Variants in COX6C observed in about 807,000 individuals in gnomAD.
The protein encoded by COX6C is cytochrome c oxidase subunit 6C, also known as cytochrome c oxidase polypeptide VIc.
In COX6C, 3 loss-of-function variants were observed where a neutral mutation model predicts 6.9. The ratio of observed to expected loss-of-function variants is 0.43; its 90% CI spans 0.20 to 1.12. The LOEUF is 1.12. Ranked by LOEUF, COX6C falls within the 50% of genes most tolerant of loss-of-function variation. The pLI, the probability that COX6C is intolerant of heterozygous loss-of-function variation, is 0.27. For synonymous variants in COX6C, 32 were observed against 32.0 expected, an observed-to-expected ratio of 1.00 and a Z score of 0.00; for missense variants, 101 against 97.3, an observed-to-expected ratio of 1.04 and a Z score of -0.16.
intron 1 of COX6C, among the ~76,000 whole-genome samples, chr8:99,892,504 A>G (rs1309363463): frequency 6.6e-6 from 1 of 152,110 alleles, no homozygotes; most frequent in Non-Finnish European, 1.5e-5. Flanking sequence ...AGCTCTCACT[A>G]CTCTGAGCTT....
chr8:99,892,138 G>A, intron 1 of COX6C, 86 bp from the exon 2 acceptor site: 1 of 720,724 alleles, frequency 1.4e-6, no homozygotes, highest in Non-Finnish European at 2.4e-6. Context: ...ATTGATTGGA[G>A]CTGCCCTGAA....
chr8:99,887,416 G>C (rs1017047050), intron 3 of COX6C, 74 bp downstream of exon 3: 1 of 759,284 alleles, frequency 1.3e-6, no homozygotes, highest in East Asian at 3.0e-5. Flanking sequence ...AACATTGTGA[G>C]GGACAGTCAC....
At chr8:99,881,979 G>T (rs1817873109) in intron 3 of COX6C, among the ~76,000 whole-genome samples, 1 of 152,120 alleles carries the variant, frequency 6.6e-6, no homozygotes, top group South Asian at 2.1e-4. Flanking sequence ...AGTCTAAAAT[G>T]TTTCAAGAGA....
rs1465314249 is a variant in COX6C at position 99,878,238 on chromosome 8, C to T, written c.*43G>A. The T allele has an allele frequency of 6.6e-6, 1 of 152,204 alleles. No individual in the cohort carries two copies. Among genetic ancestry groups the T allele is most frequent in the Non-Finnish European group, 1.5e-5 (1 of 68,038 alleles). The allele number at this position is 152,204 out of a possible 1,614,324, so 9.4% of individuals were successfully genotyped here. ...TTCAGGAACACAAGTCAGTGACAAACTTCTAGGTAATTCAACCTGAAGAAA... is the reference window on the plus strand; with the variant it reads ...TTCAGGAACACAAGTCAGTGACAAATTTCTAGGTAATTCAACCTGAAGAAA... On this transcript the variant is annotated 3_prime_UTR_variant, in exon 4 of 4. Transcript: ENST00000520468.
At chr8:99,883,289 A>G (rs1817892070) in intron 3 of COX6C, among the ~76,000 whole-genome samples, 1 of 151,932 alleles carries the variant, frequency 6.6e-6, no homozygotes, top group South Asian at 2.1e-4. Flanking sequence ...ATCATAGCTT[A>G]TGCAGCCTTA....
intron 3 of COX6C, among the ~76,000 whole-genome samples, chr8:99,883,423 GTA>G (rs1266613041): frequency 1.2e-3 from 180 of 146,682 alleles, no homozygotes; most frequent in African/African-American, 4.5e-3. Flanking sequence ...GTGTGTGTGT[GTA>G]TATATGTATG....
At chr8:99,879,648 T>C (rs1003454804) in intron 3 of COX6C, among the ~76,000 whole-genome samples, 6 of 152,214 alleles carry the variant, frequency 3.9e-5, no homozygotes, top group African/African-American at 1.4e-4. Context: ...GCAGGAAATT[T>C]CATGGCATTT....
chr8:99,885,025 A>G (rs150144186), intron 3 of COX6C, among the ~76,000 whole-genome samples: 189 of 152,318 alleles, frequency 1.2e-3, no homozygotes, highest in Middle Eastern at 0.01. Context: ...AGGAACCACA[A>G]ATAGCTAGAG....
intron 3 of COX6C, among the ~76,000 whole-genome samples, chr8:99,883,250 T>C (rs1271088787): frequency 6.6e-6 from 1 of 152,132 alleles, no homozygotes; most frequent in East Asian, 1.9e-4. Flanking sequence ...TCTCATATTC[T>C]GTTATCCAGG....
At position 99,887,602 on chromosome 8, in the gene COX6C, T is replaced by G; in HGVS notation, c.131A>C (p.Gln44Pro). The change falls in exon 3 of 4, where the codon CAA (glutamine) becomes CCA (proline). Residue 44 changes from glutamine to proline, a missense_variant. Coordinates refer to ENST00000520468, the MANE Select transcript of COX6C (RefSeq NM_004374.4). ...AALYKFRVAD[Q>P]RKKAYADFYR... Reference sequence around the variant, plus strand: ...GAAATCTGCGTATGCCTTCTTTCTTTGATCAGCCACACGAAACTAAAAAGC... The same window carrying G: ...GAAATCTGCGTATGCCTTCTTTCTTGGATCAGCCACACGAAACTAAAAAGC... 1 of 1,600,494 alleles carries G rather than the reference T, an allele frequency of 6.2e-7. No individual in the cohort carries two copies. The highest frequency in any genetic ancestry group is 2.2e-5 in the East Asian group (1 of 44,664).
intron 3 of COX6C, among the ~76,000 whole-genome samples, chr8:99,881,802 T>C (rs1817869692): frequency 6.6e-6 from 1 of 152,126 alleles, no homozygotes; most frequent in African/African-American, 2.4e-5. Context: ...CAAAAGACAA[T>C]GACAGAATGG....
intron 2 of COX6C, among the ~76,000 whole-genome samples, chr8:99,889,668 A>G (rs1033309718): frequency 6.6e-5 from 10 of 151,706 alleles, no homozygotes; most frequent in Non-Finnish European, 2.9e-5. Context: ...GATAACTGGC[A>G]TGAGCCACTG....
At chr8:99,891,883 G>T in intron 2 of COX6C, 25 bp downstream of exon 2, 1 of 1,598,042 alleles carries the variant, frequency 6.3e-7, no homozygotes, top group South Asian at 1.1e-5. Context: ...TATGACCTTC[G>T]GCACAAAGTA....
At chr8:99,884,286 G>A (rs1270628883) in intron 3 of COX6C, among the ~76,000 whole-genome samples, 1 of 152,046 alleles carries the variant, frequency 6.6e-6, no homozygotes, top group African/African-American at 2.4e-5. Flanking sequence ...CTACTAAGTT[G>A]GAGGATACAA....
chr8:99,883,583 T>C (rs1283724323), intron 3 of COX6C, among the ~76,000 whole-genome samples: 2 of 152,008 alleles, frequency 1.3e-5, no homozygotes, highest in Middle Eastern at 3.4e-3. Flanking sequence ...ATTACAGGCA[T>C]GAGCCACCAT....
At position 99,892,017 on chromosome 8, in the gene COX6C, G is replaced by A; in HGVS notation, c.5C>T (p.Ala2Val). ...CCGAGGTTTTGGCAAAACTTCGGGA[G>A]CCATGGTAGTTACTGTCCTTGATAC... Reference protein sequence around the residue: MAPEVLPKPRMR... With the variant: MVPEVLPKPRMR... Residue 2 changes from alanine to valine, a missense_variant, in exon 2 of 4, where the codon GCT (alanine) becomes GTT (valine). Coordinates refer to ENST00000520468, the MANE Select transcript of COX6C (RefSeq NM_004374.4). 2 of 1,611,330 alleles carry A rather than the reference G, an allele frequency of 1.2e-6. No individual in the cohort carries two copies. The highest frequency in any genetic ancestry group is 1.7e-6 in the Non-Finnish European group (2 of 1,178,956).
intron 2 of COX6C, among the ~76,000 whole-genome samples, chr8:99,888,662 T>G (rs756892236): frequency 6.6e-6 from 1 of 151,888 alleles, no homozygotes; most frequent in Non-Finnish European, 1.5e-5. Flanking sequence ...CTACCTCACT[T>G]AGTCATCCAT....
At chr8:99,892,486 C>CCTCA (rs1818069994) in intron 1 of COX6C, among the ~76,000 whole-genome samples, 1 of 152,150 alleles carries the variant, frequency 6.6e-6, no homozygotes, top group Non-Finnish European at 1.5e-5. Context: ...GTCCTGCATA[C>CCTCA]CTCATGTAGC....
chr8:99,888,534 G>A (rs556025756), intron 2 of COX6C, among the ~76,000 whole-genome samples: 5 of 152,076 alleles, frequency 3.3e-5, no homozygotes, highest in South Asian at 2.1e-4. Context: ...AGATGGTGAC[G>A]CTGCACTCTA....
Sources: gnomAD v4.1 joint callset for allele counts (sites outside exome capture counted in the v4.1 genomes callset) on GRCh38, gnomAD v4.1.1 for gene constraint, MANE v1.5 for transcripts, NCBI Gene and HGNC (gene_info 2026-07-23, HGNC 2026-07-21) for gene names.